The following OPCML variants were observed in gnomAD, a reference collection of about 807,000 sequenced individuals.
OPCML encodes the protein opioid-binding protein/cell adhesion molecule.
Under a neutral mutation model 37.8 loss-of-function variants are expected in OPCML, and 13 were observed. The observed-to-expected ratio is 0.34, with a 90% CI of 0.22 to 0.55. OPCML has a LOEUF of 0.55. Ranked by LOEUF, OPCML falls within the 20% of genes least tolerant of loss-of-function variation. OPCML has a pLI of 0.91. For synonymous variants in OPCML, 176 were observed against 168.8 expected, an observed-to-expected ratio of 1.04 and a Z score of -0.33; for missense variants, 341 against 435.6, an observed-to-expected ratio of 0.78 and a Z score of 1.93.
At chr11:132,755,554 A>G (rs1049546968) in intron 2 of OPCML, among the ~76,000 whole-genome samples, 2 of 152,234 alleles carry the variant, frequency 1.3e-5, no homozygotes, top group African/African-American at 4.8e-5. Context: ...CATTCGGGCT[A>G]TGTTTTACCT....
At chr11:132,757,276 T>G (rs1946087642) in intron 2 of OPCML, among the ~76,000 whole-genome samples, 1 of 152,240 alleles carries the variant, frequency 6.6e-6, no homozygotes, top group South Asian at 2.1e-4. Flanking sequence ...TGCATGTGTC[T>G]TTATAGTAGA....
chr11:133,118,650 G>GAA (rs1189722257), intron 1 of OPCML, among the ~76,000 whole-genome samples: 17 of 144,832 alleles, frequency 1.2e-4, no homozygotes, highest in African/African-American at 4.0e-4. Context: ...TTTACCATAT[G>GAA]AAAAAAAAAA....
At chr11:133,004,106 G>A (rs1314247361) in intron 1 of OPCML, 2 of 985,272 alleles carry the variant, frequency 2.0e-6, no homozygotes, top group East Asian at 2.3e-4. Flanking sequence ...TAGCTTGGAA[G>A]GAAGTTGGAC....
At chr11:132,574,350 G>A (rs1187684825) in intron 3 of OPCML, among the ~76,000 whole-genome samples, 1 of 145,042 alleles carries the variant, frequency 6.9e-6, no homozygotes, top group Non-Finnish European at 1.5e-5. Flanking sequence ...AAATTAAATT[G>A]TTTATTTGTA....
At chr11:132,503,113 C>T (rs545853570) in intron 4 of OPCML, among the ~76,000 whole-genome samples, 6 of 152,306 alleles carry the variant, frequency 3.9e-5, no homozygotes, top group Admixed American at 3.9e-4. Flanking sequence ...GCTAGCACTA[C>T]GCTTGGGATA....
At chr11:132,446,536 A>C (rs926172711) in intron 4 of OPCML, among the ~76,000 whole-genome samples, 1 of 152,294 alleles carries the variant, frequency 6.6e-6, no homozygotes, top group South Asian at 2.1e-4. Context: ...GACCCAAAGA[A>C]TGCAGGGGTA....
At chr11:133,228,086 G>A (rs1940116273) in intron 1 of OPCML, among the ~76,000 whole-genome samples, 2 of 152,206 alleles carry the variant, frequency 1.3e-5, no homozygotes, top group Non-Finnish European at 2.9e-5. Context: ...TGGGATGGGA[G>A]ATGTCCCATT....
chr11:133,331,150 C>T lies in OPCML; in HGVS notation c.61+201114G>A, dbSNP rs78446592. 2.2e-4 allele frequency among the ~76,000 whole-genome samples: 33 copies of T among 152,266 alleles called. 1 individual carries two copies. The highest frequency in any genetic ancestry group is 3.1e-4 in the African/African-American group (13 of 41,554). On this transcript the variant is annotated intron_variant, in intron 1 of 7. Transcript: ENST00000524381. ...TCTATTATTATAGAAAGTTCAAGAA[C>T]GAGCAGGTGAGATGAAAGCAGCAGA...
intron 2 of OPCML, among the ~76,000 whole-genome samples, chr11:132,707,431 C>G (rs953899221): frequency 3.3e-5 from 5 of 152,150 alleles, no homozygotes; most frequent in African/African-American, 1.2e-4. Context: ...TATGTGCCAG[C>G]ACTCTGCTAG....
chr11:133,460,422 T>A (rs995011169), intron 1 of OPCML, among the ~76,000 whole-genome samples: 1 of 151,768 alleles, frequency 6.6e-6, no homozygotes, highest in African/African-American at 2.4e-5. Flanking sequence ...AAATAAAGAG[T>A]TGGTTTTTAA....
At chr11:133,439,407 G>A in intron 1 of OPCML, 1 of 985,088 alleles carries the variant, frequency 1.0e-6, no homozygotes, top group Non-Finnish European at 1.2e-6. Flanking sequence ...CTGTTTCAGG[G>A]AATAGGAAAT....
At chr11:132,717,492 C>T (rs1448858950) in intron 2 of OPCML, among the ~76,000 whole-genome samples, 1 of 151,992 alleles carries the variant, frequency 6.6e-6, no homozygotes, top group Non-Finnish European at 1.5e-5. Context: ...AGGAAACAAA[C>T]ATGTATAAAG....
In OPCML at chr11:133,105,851, G is replaced by A. The variant is rs192642995; in HGVS notation, c.62-162841C>T. 4.7e-3 allele frequency among the ~76,000 whole-genome samples: 713 copies of A among 152,114 alleles called. 5 individuals carry two copies. The highest frequency in any genetic ancestry group is 0.016 in the African/African-American group (644 of 41,530). On this transcript the variant is annotated intron_variant, in intron 1 of 7. Transcript: ENST00000524381. ...ACAAAAATTAGCCAGGCATGGTGGCGGGTGCCTGTAATCCCAGCTACTCAG... is the reference window on the plus strand; with the variant it reads ...ACAAAAATTAGCCAGGCATGGTGGCAGGTGCCTGTAATCCCAGCTACTCAG...
intron 4 of OPCML, among the ~76,000 whole-genome samples, chr11:132,512,138 A>G (rs11223099): frequency 0.21 from 31,724 of 151,960 alleles, 3,407 homozygotes; most frequent in Non-Finnish European, 0.23. Flanking sequence ...TTAATCCTCA[A>G]AGAAAAACAA....
intron 1 of OPCML, among the ~76,000 whole-genome samples, chr11:132,955,945 A>G (rs1945969620): frequency 6.6e-6 from 1 of 152,234 alleles, no homozygotes; most frequent in Non-Finnish European, 1.5e-5. Flanking sequence ...TTGCTGTATT[A>G]CCAGCACCCA....
At chr11:132,452,741 A>G (rs2096071887) in intron 4 of OPCML, among the ~76,000 whole-genome samples, 1 of 152,154 alleles carries the variant, frequency 6.6e-6, no homozygotes, top group South Asian at 2.1e-4. Flanking sequence ...AGGACTAATA[A>G]CTAAAGACCC....
chr11:132,529,519 T>C (rs374007276), intron 3 of OPCML, among the ~76,000 whole-genome samples: 2 of 152,170 alleles, frequency 1.3e-5, no homozygotes, highest in African/African-American at 4.8e-5. Flanking sequence ...TTTATCCCCA[T>C]GTCTACTGTT....
intron 7 of OPCML, among the ~76,000 whole-genome samples, chr11:132,433,181 C>A (rs2096002962): frequency 6.6e-6 from 1 of 152,084 alleles, no homozygotes; most frequent in African/African-American, 2.4e-5. Context: ...CTCTGGCAGG[C>A]ATATGGGGGG....
intron 2 of OPCML, among the ~76,000 whole-genome samples, chr11:132,725,853 C>T (rs1039335498): frequency 1.3e-5 from 2 of 151,850 alleles, no homozygotes; most frequent in Non-Finnish European, 2.9e-5. Flanking sequence ...CAAAGTTCCA[C>T]AAATCTCTTA....
Sources: gnomAD v4.1 joint callset for allele counts (sites outside exome capture counted in the v4.1 genomes callset) on GRCh38, gnomAD v4.1.1 for gene constraint, MANE v1.5 for transcripts, NCBI Gene and HGNC (gene_info 2026-07-23, HGNC 2026-07-21) for gene names.